FAF1: variants seen among roughly 807,000 people sequenced by gnomAD.
FAF1 encodes the protein Fas associated factor 1, also known as FAS-associated factor 1.
Under a neutral mutation model 92.5 loss-of-function variants are expected in FAF1, and 25 were observed. That is an observed-to-expected ratio of 0.27 (90% CI 0.20 to 0.38). The LOEUF (loss-of-function observed/expected upper bound fraction) is 0.38. Among genes scored for constraint, FAF1 ranks in the 10% least tolerant of loss-of-function variants. The pLI is 1.00. For synonymous variants in FAF1, 234 were observed against 273.2 expected, an observed-to-expected ratio of 0.86 and a Z score of 1.42; for missense variants, 636 against 793.3, an observed-to-expected ratio of 0.80 and a Z score of 2.38.
chr1:50,653,851 T>C (rs1013609671), intron 8 of FAF1, among the ~76,000 whole-genome samples: 5 of 151,954 alleles, frequency 3.3e-5, no homozygotes, highest in African/African-American at 7.2e-5. Flanking sequence ...GACTGGGCGA[T>C]AGAGCAAGAT....
At chr1:50,574,896 C>CTGTTTTTTTTTTGTTTTTTTTTTTT (rs1558000811) in intron 12 of FAF1, among the ~76,000 whole-genome samples, 1 of 122,886 alleles carries the variant, frequency 8.1e-6, no homozygotes, top group South Asian at 2.7e-4. Flanking sequence ...GTTGTATTAA[C>CTGTTTTTTTTTTGTTTTTTTTTTTT]TCTTTTTTTT....
At chr1:50,529,800 C>T (rs1306377905) in intron 15 of FAF1, among the ~76,000 whole-genome samples, 2 of 152,144 alleles carry the variant, frequency 1.3e-5, no homozygotes, top group Non-Finnish European at 2.9e-5. Context: ...GTTTATCTTG[C>T]TCACAGCTGT....
chr1:50,895,381 C>G (rs1055182809), intron 1 of FAF1, among the ~76,000 whole-genome samples: 32 of 152,224 alleles, frequency 2.1e-4, no homozygotes, highest in African/African-American at 6.3e-4. Flanking sequence ...AAAAAGTCTG[C>G]CAGAAAAGAA....
intron 1 of FAF1, among the ~76,000 whole-genome samples, chr1:50,919,038 T>C (rs1644942274): frequency 6.6e-6 from 1 of 152,194 alleles, no homozygotes; most frequent in South Asian, 2.1e-4. Flanking sequence ...CTTTTACTCA[T>C]CAATAAAGGC....
chr1:50,620,641 G>A (rs1021505519), intron 8 of FAF1, among the ~76,000 whole-genome samples: 7 of 152,216 alleles, frequency 4.6e-5, no homozygotes, highest in East Asian at 1.9e-4. Flanking sequence ...TTTCAACTGC[G>A]AGAGTTCTTG....
intron 7 of FAF1, among the ~76,000 whole-genome samples, chr1:50,679,779 T>C (rs991030433): frequency 6.6e-6 from 1 of 152,206 alleles, no homozygotes; most frequent in African/African-American, 2.4e-5. Flanking sequence ...TAGTTGCATG[T>C]CACAGACATT....
chr1:50,530,961 G>A (rs561934926), intron 15 of FAF1, among the ~76,000 whole-genome samples: 2 of 152,244 alleles, frequency 1.3e-5, no homozygotes, highest in African/African-American at 4.8e-5. Context: ...ACAAAGCTTA[G>A]GGGAAAAAGT....
chr1:50,539,854 T>C (rs1648678396), intron 13 of FAF1, 126 bp from the exon 14 acceptor site: 2 of 650,136 alleles, frequency 3.1e-6, no homozygotes, highest in Admixed American at 5.9e-5. Context: ...TATCAATATG[T>C]AAAATCTTGC....
At chr1:50,631,034 C>T (rs1331159211) in intron 8 of FAF1, among the ~76,000 whole-genome samples, 1 of 151,904 alleles carries the variant, frequency 6.6e-6, no homozygotes, top group African/African-American at 2.4e-5. Context: ...TCGTAATCCA[C>T]CCACCTCGGC....
In FAF1 at chr1:50,438,912, G is replaced by T. The variant is rs1373468190; in HGVS notation, c.*2528C>A. 3.3e-5 allele frequency: 5 copies of T among 152,120 alleles called. No homozygotes were observed. The highest frequency in any genetic ancestry group is 7.3e-5 in the Non-Finnish European group (5 of 68,040). 9.4% of individuals were successfully genotyped at this position (152,120 alleles called of 1,614,324 possible). A position where few individuals can be genotyped will look rare whatever the true frequency, so the allele number is the denominator to read the frequency against. On this transcript the variant is annotated 3_prime_UTR_variant, in exon 19 of 19. Coordinates refer to ENST00000396153, the MANE Select transcript of FAF1 (RefSeq NM_007051.3). ...ATAAAACTAGTAGTGCCAGAGAATGGCAACATCCGAAATCAGAAACCTCCA... is the reference window on the plus strand; with the variant it reads ...ATAAAACTAGTAGTGCCAGAGAATGTCAACATCCGAAATCAGAAACCTCCA...
intron 7 of FAF1, among the ~76,000 whole-genome samples, chr1:50,681,615 C>T (rs1347105320): frequency 2.0e-5 from 3 of 151,686 alleles, no homozygotes; most frequent in Non-Finnish European, 4.4e-5. Context: ...TCAAATGATT[C>T]TCCTGCCTCA....
At chr1:50,563,055 G>C (rs952955256) in intron 13 of FAF1, among the ~76,000 whole-genome samples, 1 of 152,134 alleles carries the variant, frequency 6.6e-6, no homozygotes, top group Non-Finnish European at 1.5e-5. Flanking sequence ...GTAGATGGGA[G>C]GATGTGCATG....
intron 18 of FAF1, among the ~76,000 whole-genome samples, chr1:50,442,272 G>A (rs888254228): frequency 2.0e-4 from 30 of 152,018 alleles, no homozygotes; most frequent in Non-Finnish European, 4.0e-4. Flanking sequence ...AAACTTTCCT[G>A]TTTATCAAAA....
chr1:50,897,618 A>T (rs1644767580), intron 1 of FAF1, among the ~76,000 whole-genome samples: 1 of 152,188 alleles, frequency 6.6e-6, no homozygotes, highest in South Asian at 2.1e-4. Flanking sequence ...AATGTTCACT[A>T]TAAAGTCGAC....
chr1:50,853,199 G>GC (rs1263063293), intron 2 of FAF1, among the ~76,000 whole-genome samples: 1 of 152,118 alleles, frequency 6.6e-6, no homozygotes, highest in Non-Finnish European at 1.5e-5. Flanking sequence ...CACATCCTGA[G>GC]CAGAGTAGTG....
chr1:50,859,860 A>G (rs996470902), intron 1 of FAF1, among the ~76,000 whole-genome samples: 9 of 152,098 alleles, frequency 5.9e-5, no homozygotes, highest in African/African-American at 2.2e-4. Context: ...CTGTAAGGAT[A>G]CAATAATCAA....
rs191149647 is a variant in FAF1, at chr1:50,692,570, C to T, written c.657+13216G>A. 6.6e-5 allele frequency among the ~76,000 whole-genome samples: 10 copies of T among 152,184 alleles called. No homozygotes were observed. In the East Asian group the frequency reaches 1.9e-3, roughly 29 times the overall value. ...CATGTTTATTCACTTAGCATGCTGT[C>T]CTCCAGGTCTTCCCATGTTGTTCCA... On this transcript the variant is annotated intron_variant, in intron 7 of 18. Coordinates refer to ENST00000396153, the MANE Select transcript of FAF1 (RefSeq NM_007051.3).
chr1:50,457,724 CAAAAAAAAAAA>C, intron 18 of FAF1, among the ~76,000 whole-genome samples: 1 of 56,562 alleles, frequency 1.8e-5, no homozygotes, highest in Admixed American at 2.1e-4. Context: ...CCCATCTCTG[CAAAAAAAAAAA>C]AAAAAAAAAA....
At chr1:50,495,777 T>C (rs1459582158) in intron 15 of FAF1, among the ~76,000 whole-genome samples, 1 of 152,174 alleles carries the variant, frequency 6.6e-6, no homozygotes, top group African/African-American at 2.4e-5. Context: ...CATTTGTTAT[T>C]CCCTGTCTTT....
Sources: gnomAD v4.1 joint callset for allele counts (sites outside exome capture counted in the v4.1 genomes callset) on GRCh38, gnomAD v4.1.1 for gene constraint, MANE v1.5 for transcripts, NCBI Gene and HGNC (gene_info 2026-07-23, HGNC 2026-07-21) for gene names.